Variants in ASXL2 observed in about 807,000 individuals in gnomAD.
ASXL2 encodes the protein putative Polycomb group protein ASXL2.
In ASXL2, 23 loss-of-function variants were observed where a neutral mutation model predicts 122.0. That is an observed-to-expected ratio of 0.19 (90% confidence interval 0.14 to 0.27). The LOEUF (loss-of-function observed/expected upper bound fraction) is 0.27. Ranked by LOEUF, ASXL2 falls within the 10% of genes least tolerant of loss-of-function variation. The pLI, the probability that ASXL2 is intolerant of heterozygous loss-of-function variation, is 1.00. For missense variants in ASXL2, 1,518 were observed against 1,713.8 expected (o/e 0.89, Z 2.02); for synonymous variants, 650 against 637.0 (o/e 1.02, Z -0.31).
chr2:25,802,438 T>C (rs1452420099), intron 4 of ASXL2, among the ~76,000 whole-genome samples: 1 of 152,178 alleles, frequency 6.6e-6, no homozygotes, highest in Non-Finnish European at 1.5e-5. Flanking sequence ...TAGAGCTCTT[T>C]TTAGCTGTTA....
At chr2:25,762,665 GAAAAAA>G (rs60065368) in intron 8 of ASXL2, among the ~76,000 whole-genome samples, 1 of 34,266 alleles carries the variant, frequency 2.9e-5, no homozygotes, top group African/African-American at 1.5e-4. Flanking sequence ...ACTCTTTCTC[GAAAAAA>G]AAAAAAAAAA....
chr2:25,749,650 A>G (rs773768386), intron 12 of ASXL2, 46 bp downstream of exon 12: 3 of 1,426,744 alleles, frequency 2.1e-6, no homozygotes, highest in Non-Finnish European at 1.8e-6. Flanking sequence ...CCAAAAACAT[A>G]GGGTTCAGAC....
intron 12 of ASXL2, among the ~76,000 whole-genome samples, chr2:25,746,460 T>C (rs2087943031): frequency 6.6e-6 from 1 of 151,102 alleles, no homozygotes; most frequent in African/African-American, 2.4e-5. Context: ...GAAGCAGTTA[T>C]TGTCCCTTAT....
At chr2:25,822,993 T>C (rs1031185621) in intron 3 of ASXL2, 1 of 508,592 alleles carries the variant, frequency 2.0e-6, no homozygotes, top group African/African-American at 2.0e-5. Context: ...AAAAATAACT[T>C]CTCTGCAAGA....
At chr2:25,840,394 T>C (rs1050892325) in intron 2 of ASXL2, among the ~76,000 whole-genome samples, 21 of 152,314 alleles carry the variant, frequency 1.4e-4, no homozygotes, top group African/African-American at 4.8e-4. Context: ...ACATAAAAGT[T>C]ACCATTTTAA....
intron 1 of ASXL2, among the ~76,000 whole-genome samples, chr2:25,872,929 T>G (rs779038034): frequency 6.6e-6 from 1 of 152,078 alleles, no homozygotes; most frequent in Non-Finnish European, 1.5e-5. Flanking sequence ...TGGGAGGTTG[T>G]AAGTTCTTTT....
intron 3 of ASXL2, among the ~76,000 whole-genome samples, chr2:25,814,029 G>A (rs999845622): frequency 6.6e-6 from 1 of 151,878 alleles, no homozygotes; most frequent in African/African-American, 2.4e-5. Context: ...CAGCCTGGGC[G>A]ACAGAGCGAG....
At chr2:25,786,031 C>T (rs1251166614) in intron 5 of ASXL2, among the ~76,000 whole-genome samples, 1 of 152,104 alleles carries the variant, frequency 6.6e-6, no homozygotes, top group Admixed American at 6.6e-5. Context: ...ATATCACAAC[C>T]AAGTTGGTTT....
At chr2:25,766,395 CTA>C (rs1245506757) in intron 8 of ASXL2, among the ~76,000 whole-genome samples, 2 of 152,212 alleles carry the variant, frequency 1.3e-5, no homozygotes, top group African/African-American at 2.4e-5. Flanking sequence ...GATAGTCCTA[CTA>C]TGTGAGACAT....
rs190568740 is a variant in ASXL2, at chr2:25,860,168, G to A, written c.58-14605C>T. 1.5e-4 allele frequency among the ~76,000 whole-genome samples: 23 copies of A among 152,048 alleles called. No individual in the cohort carries two copies. The East Asian group carries it at 1.7e-3, about 12-fold the overall frequency. The stretch of plus-strand genomic sequence containing the variant: ...CTCTACTAAAAATACAAAATTAACC[G>A]GGCATGGTGGCGCATGCCTGTAATC... On this transcript the variant is annotated intron_variant, in intron 1 of 12. Coordinates refer to ENST00000435504, the MANE Select transcript of ASXL2 (RefSeq NM_018263.6).
At chr2:25,802,354 T>C (rs776142549) in intron 4 of ASXL2, among the ~76,000 whole-genome samples, 4 of 152,220 alleles carry the variant, frequency 2.6e-5, no homozygotes, top group Non-Finnish European at 2.9e-5. Flanking sequence ...ACAGTCTCTA[T>C]AGTGTCCAGC....
At chr2:25,771,185 G>A (rs1435824215) in intron 6 of ASXL2, among the ~76,000 whole-genome samples, 1 of 152,192 alleles carries the variant, frequency 6.6e-6, no homozygotes, top group African/African-American at 2.4e-5. Context: ...GCAGTGAGCT[G>A]AGATTGCACC....
chr2:25,857,899 GTCTC>G, intron 1 of ASXL2, among the ~76,000 whole-genome samples: 1 of 152,130 alleles, frequency 6.6e-6, no homozygotes, highest in East Asian at 1.9e-4. Context: ...TTGAGACAGA[GTCTC>G]TCTCTGTCAC....
chr2:25,807,863 G>C (rs2089105790), intron 3 of ASXL2, among the ~76,000 whole-genome samples: 1 of 152,048 alleles, frequency 6.6e-6, no homozygotes, highest in South Asian at 2.1e-4. Context: ...CTCTTCTTTG[G>C]AGACAGTACC....
chr2:25,878,113 G>A, intron 1 of ASXL2, 53 bp downstream of exon 1: 1 of 1,605,276 alleles, frequency 6.2e-7, no homozygotes, highest in Non-Finnish European at 8.5e-7. Context: ...CGACTGGCGG[G>A]CGACAAGGGA....
intron 3 of ASXL2, among the ~76,000 whole-genome samples, chr2:25,826,098 T>C (rs753530852): frequency 1.3e-5 from 2 of 152,216 alleles, no homozygotes; most frequent in Non-Finnish European, 2.9e-5. Context: ...CTTCTTAAGC[T>C]AAGCTAAATA....
At chr2:25,807,356 T>G (rs1574426423) in intron 3 of ASXL2, among the ~76,000 whole-genome samples, 1 of 152,338 alleles carries the variant, frequency 6.6e-6, no homozygotes, top group Admixed American at 6.5e-5. Context: ...ATGAGTCCAC[T>G]GTCTCTTGGT....
chr2:25,824,176 T>C (rs1161306765), intron 3 of ASXL2, among the ~76,000 whole-genome samples: 7 of 152,086 alleles, frequency 4.6e-5, no homozygotes, highest in Non-Finnish European at 5.9e-5. Context: ...ACATTTATAA[T>C]GCTGTTTTGA....
chr2:25,757,048 C>A (rs961009370), intron 9 of ASXL2, among the ~76,000 whole-genome samples: 4 of 152,140 alleles, frequency 2.6e-5, no homozygotes, highest in African/African-American at 7.2e-5. Flanking sequence ...TTCTGTATAA[C>A]AAAGTATACC....
Sources: gnomAD v4.1 joint callset for allele counts (sites outside exome capture counted in the v4.1 genomes callset) on GRCh38, gnomAD v4.1.1 for gene constraint, MANE v1.5 for transcripts, NCBI Gene and HGNC (gene_info 2026-07-23, HGNC 2026-07-21) for gene names.